ZNG1E: variants seen among roughly 807,000 people sequenced by gnomAD.
The protein encoded by ZNG1E is zinc-regulated GTPase metalloprotein activator 1E.
the ZNG1E span, among the ~76,000 whole-genome samples, chr9:65,684,361 ATCCAGTC>A: frequency 1.3e-5 from 2 of 150,200 alleles, no homozygotes; most frequent in Non-Finnish European, 3.0e-5. Flanking sequence ...ACATGGTGAA[ATCCAGTC>A]TCTACTGAAA....
chr9:65,714,525 T>C, the ZNG1E span, among the ~76,000 whole-genome samples: 1 of 151,716 alleles, frequency 6.6e-6, no homozygotes, highest in East Asian at 1.9e-4. Context: ...TCATCTACTT[T>C]TGGTCTTTGA....
chr9:65,709,377 G>A, the ZNG1E span, among the ~76,000 whole-genome samples: 2 of 149,018 alleles, frequency 1.3e-5, no homozygotes, highest in Non-Finnish European at 1.5e-5. Context: ...TATACTTTAA[G>A]GTTTAGGGTA....
At chr9:65,657,996 G>A in the ZNG1E span, among the ~76,000 whole-genome samples, 1 of 152,362 alleles carries the variant, frequency 6.6e-6, no homozygotes, top group African/African-American at 2.4e-5. Flanking sequence ...CTACTCGGGA[G>A]GCTGAGGCAG....
the ZNG1E span, among the ~76,000 whole-genome samples, chr9:65,672,449 TAAAA>T: frequency 7.0e-6 from 1 of 143,034 alleles, no homozygotes; most frequent in South Asian, 2.2e-4. Flanking sequence ...TCTTATAAGT[TAAAA>T]AAAAAAAAAA....
chr9:65,691,648 TG>T, the ZNG1E span, among the ~76,000 whole-genome samples: 2 of 152,260 alleles, frequency 1.3e-5, no homozygotes, highest in African/African-American at 4.8e-5. Context: ...CTTAATGTAA[TG>T]TTAGAGCCTT....
the ZNG1E span, among the ~76,000 whole-genome samples, chr9:65,718,425 CT>C: frequency 1.7e-5 from 2 of 118,006 alleles, no homozygotes; most frequent in Admixed American, 1.9e-4. Context: ...TATTTTTTCC[CT>C]TTACATATTG....
At chr9:65,693,621 C>A in the ZNG1E span, 1 of 373,964 alleles carries the variant, frequency 2.7e-6, no homozygotes, top group Non-Finnish European at 5.0e-6. Flanking sequence ...GCAGTGGCAC[C>A]ATCTTGGCTC....
the ZNG1E span, among the ~76,000 whole-genome samples, chr9:65,722,697 AT>A: frequency 0.049 from 405 of 8,294 alleles, no homozygotes; most frequent in Non-Finnish European, 0.051. Context: ...TGCCTAGCTA[AT>A]TTTTTTTTTT....
the ZNG1E span, among the ~76,000 whole-genome samples, chr9:65,681,251 C>T: frequency 2.0e-5 from 3 of 152,012 alleles, no homozygotes; most frequent in Non-Finnish European, 4.4e-5. Flanking sequence ...ACATACTAGT[C>T]GATTTAGAAA....
At chr9:65,711,064 A>G in the ZNG1E span, among the ~76,000 whole-genome samples, 1 of 98,334 alleles carries the variant, frequency 1.0e-5, no homozygotes, top group Non-Finnish European at 2.2e-5. Context: ...TTGAAGAGGT[A>G]CTTCACATCC....
At chr9:65,656,682 C>T in the ZNG1E span, among the ~76,000 whole-genome samples, 7 of 152,284 alleles carry the variant, frequency 4.6e-5, no homozygotes, top group Admixed American at 2.0e-4. Flanking sequence ...ACATTTGGCA[C>T]ATTTGGGGAT....
At chr9:65,691,076 T>G in the ZNG1E span, 1 of 1,592,596 alleles carries the variant, frequency 6.3e-7, no homozygotes, top group Non-Finnish European at 8.5e-7. Flanking sequence ...TTTTTTGTTT[T>G]TGTTTTTTTT....
the ZNG1E span, among the ~76,000 whole-genome samples, chr9:65,680,726 A>G: frequency 6.6e-6 from 1 of 152,270 alleles, no homozygotes; most frequent in African/African-American, 2.4e-5. Context: ...CAAGCATTTC[A>G]AATATAGTTT....
chr9:65,711,046 AGT>A, the ZNG1E span, among the ~76,000 whole-genome samples: 6 of 141,310 alleles, frequency 4.2e-5, no homozygotes, highest in South Asian at 1.4e-3. Flanking sequence ...AGTGGTTTGT[AGT>A]TCTCCTTGAA....
At chr9:65,657,598 G>C in the ZNG1E span, among the ~76,000 whole-genome samples, 6 of 152,176 alleles carry the variant, frequency 3.9e-5, no homozygotes, top group Non-Finnish European at 7.4e-5. Context: ...GAGGTGGGTG[G>C]TTAATGAGTA....
chr9:65,665,335 T>G, the ZNG1E span, among the ~76,000 whole-genome samples: 3 of 152,236 alleles, frequency 2.0e-5, no homozygotes, highest in African/African-American at 7.2e-5. Flanking sequence ...ATCCCAGCCA[T>G]GAATGAAAGG....
At chr9:65,703,509 T>C in the ZNG1E span, 1 of 915,358 alleles carries the variant, frequency 1.1e-6, no homozygotes, top group African/African-American at 2.1e-5. Flanking sequence ...TGTATTTCTG[T>C]AGATTAAATT....
At chr9:65,662,611 A>G in the ZNG1E span, among the ~76,000 whole-genome samples, 3 of 152,138 alleles carry the variant, frequency 2.0e-5, no homozygotes, top group East Asian at 1.9e-4. Flanking sequence ...GAAAACGGCA[A>G]TGGATTAATA....
chr9:65,679,876 TAGAA>T, the ZNG1E span, among the ~76,000 whole-genome samples: 3 of 152,288 alleles, frequency 2.0e-5, no homozygotes, highest in South Asian at 2.1e-4. Flanking sequence ...TTTTAGGAAT[TAGAA>T]AGGCAGTTTT....
Sources: gnomAD v4.1 joint callset for allele counts (sites outside exome capture counted in the v4.1 genomes callset) on GRCh38, gnomAD v4.1.1 for gene constraint, MANE v1.5 for transcripts, NCBI Gene and HGNC (gene_info 2026-07-23, HGNC 2026-07-21) for gene names.